The following PDE1C variants were observed in gnomAD, a reference collection of about 807,000 sequenced individuals.
PDE1C encodes the protein dual specificity calcium/calmodulin-dependent 3',5'-cyclic nucleotide phosphodiesterase 1C.
Under a neutral mutation model 93.1 loss-of-function variants are expected in PDE1C, and 62 were observed. That is an observed-to-expected ratio of 0.67 (90% CI 0.54 to 0.82). The LOEUF is 0.82. Ranked by LOEUF, PDE1C falls within the 40% of genes least tolerant of loss-of-function variation. The pLI is 0.00. For missense variants in PDE1C, 742 were observed against 884.6 expected (o/e 0.84, Z 2.04); for synonymous variants, 325 against 310.1 (o/e 1.05, Z -0.50).
At chr7:31,977,065 A>C (rs574385765) in intron 2 of PDE1C, among the ~76,000 whole-genome samples, 18 of 152,316 alleles carry the variant, frequency 1.2e-4, no homozygotes, top group Non-Finnish European at 1.3e-4. Context: ...GAAACACTAA[A>C]TTTAAGAATT....
At chr7:31,733,346 G>A in the PDE1C span, among the ~76,000 whole-genome samples, 1 of 152,238 alleles carries the variant, frequency 6.6e-6, no homozygotes, top group African/African-American at 2.4e-5. Context: ...GGGATGGTGA[G>A]AAGACCAGGG....
chr7:31,795,199 A>G (rs149067119), intron 16 of PDE1C, among the ~76,000 whole-genome samples: 248 of 152,016 alleles, frequency 1.6e-3, no homozygotes, highest in African/African-American at 5.6e-3. Context: ...ACCAATGTAG[A>G]TAGTGTTAAG....
At chr7:31,799,306 T>G (rs1785696801) in intron 16 of PDE1C, among the ~76,000 whole-genome samples, 1 of 151,694 alleles carries the variant, frequency 6.6e-6, no homozygotes, top group Non-Finnish European at 1.5e-5. Flanking sequence ...CCTCCTATCT[T>G]TCACTACCAG....
At chr7:31,708,509 A>G in the PDE1C span, 7 of 152,342 alleles carry the variant, frequency 4.6e-5, no homozygotes, top group South Asian at 1.2e-3. Context: ...TCACAATTAT[A>G]AAGAGCAGAG....
the PDE1C span, chr7:31,707,241 C>A: frequency 6.2e-7 from 1 of 1,613,952 alleles, no homozygotes; most frequent in African/African-American, 1.3e-5. Context: ...CCAAAGCAAT[C>A]GTGGAAGATG....
intron 1 of PDE1C, among the ~76,000 whole-genome samples, chr7:32,228,894 G>C (rs1409330750): frequency 6.6e-6 from 1 of 152,152 alleles, no homozygotes; most frequent in Non-Finnish European, 1.5e-5. Flanking sequence ...TGCACCCCCA[G>C]GTGATTAACT....
At chr7:31,925,092 C>T (rs1285505377) in intron 2 of PDE1C, among the ~76,000 whole-genome samples, 3 of 123,226 alleles carry the variant, frequency 2.4e-5, no homozygotes, top group African/African-American at 9.3e-5. Context: ...TGTGTGTGTG[C>T]ATGCGCATGA....
At chr7:31,931,354 A>C (rs1186126806) in intron 2 of PDE1C, among the ~76,000 whole-genome samples, 1 of 152,200 alleles carries the variant, frequency 6.6e-6, no homozygotes, top group African/African-American at 2.4e-5. Flanking sequence ...GTCTCAGCCC[A>C]AAAACTCCTT....
At chr7:31,674,114 A>G in the PDE1C span, among the ~76,000 whole-genome samples, 1 of 152,334 alleles carries the variant, frequency 6.6e-6, no homozygotes, top group South Asian at 2.1e-4. Flanking sequence ...CAAGATATGG[A>G]ACATTACAGT....
intron 2 of PDE1C, among the ~76,000 whole-genome samples, chr7:31,921,982 TAA>T (rs148703807): frequency 0.073 from 11,157 of 152,192 alleles, 540 homozygotes; most frequent in Middle Eastern, 0.14. Context: ...AAATTAGAGT[TAA>T]GAGAGGTTAA....
At chr7:31,890,203 AG>A (rs1436623756) in intron 2 of PDE1C, among the ~76,000 whole-genome samples, 1 of 152,206 alleles carries the variant, frequency 6.6e-6, no homozygotes, top group East Asian at 1.9e-4. Flanking sequence ...GACTGGGGAG[AG>A]GGAAGCAGTT....
intron 1 of PDE1C, among the ~76,000 whole-genome samples, chr7:32,246,778 T>C (rs1808990733): frequency 6.6e-6 from 1 of 152,232 alleles, no homozygotes; most frequent in South Asian, 2.1e-4. Flanking sequence ...TTAATAATAG[T>C]ACCTACCTTG....
chr7:31,801,695 T>G lies in PDE1C; in HGVS notation c.1891+7336A>C, dbSNP rs1251751622. On this transcript the variant is annotated intron_variant, in intron 16 of 17. Coordinates refer to ENST00000396191, the MANE Select transcript of PDE1C (RefSeq NM_001191057.4). ...GTAAAAAATGATTATATTCTCTTGA[T>G]AAACAGACAACATTATCATTATGAA... is the stretch of plus-strand genomic sequence containing the variant. Among the ~76,000 whole-genome samples, 3 of 151,528 alleles carry G rather than the reference T, an allele frequency of 2.0e-5. No homozygotes were observed. The East Asian group carries it at 5.8e-4, about 29-fold the overall frequency.
intron 2 of PDE1C, among the ~76,000 whole-genome samples, chr7:32,026,781 G>C (rs1789490784): frequency 6.6e-6 from 1 of 152,140 alleles, no homozygotes; most frequent in Middle Eastern, 3.4e-3. Flanking sequence ...TAGGTGAATG[G>C]TTAAACAAAC....
At chr7:31,695,712 G>A in the PDE1C span, 2 of 1,345,392 alleles carry the variant, frequency 1.5e-6, no homozygotes, top group Non-Finnish European at 2.0e-6. Flanking sequence ...AAATATTCAG[G>A]TATTTTAAAG....
At chr7:32,409,764 T>C (rs764137427) in intron 1 of PDE1C, among the ~76,000 whole-genome samples, 26 of 151,920 alleles carry the variant, frequency 1.7e-4, no homozygotes, top group Non-Finnish European at 3.1e-4. Flanking sequence ...TATATATATA[T>C]TCACACATAT....
intron 1 of PDE1C, among the ~76,000 whole-genome samples, chr7:32,255,928 G>A (rs921688433): frequency 1.3e-5 from 2 of 152,180 alleles, no homozygotes; most frequent in Admixed American, 1.3e-4. Context: ...GAATGTCTAA[G>A]TAGAGAAGTG....
chr7:31,706,557 G>A, the PDE1C span, among the ~76,000 whole-genome samples: 464 of 152,238 alleles, frequency 3.0e-3, 7 homozygotes, highest in African/African-American at 0.011. Flanking sequence ...CCATGTGAAC[G>A]TCATCACCTC....
chr7:32,124,774 A>C (rs1033235377), intron 3 of PDE1C, among the ~76,000 whole-genome samples: 3 of 152,210 alleles, frequency 2.0e-5, no homozygotes, highest in Admixed American at 2.0e-4. Flanking sequence ...TAAAAACCCT[A>C]TGAGAAAACC....
Sources: gnomAD v4.1 joint callset for allele counts (sites outside exome capture counted in the v4.1 genomes callset) on GRCh38, gnomAD v4.1.1 for gene constraint, MANE v1.5 for transcripts, NCBI Gene and HGNC (gene_info 2026-07-23, HGNC 2026-07-21) for gene names.